GRIN3A: variants seen among roughly 807,000 people sequenced by gnomAD.
GRIN3A encodes the protein glutamate receptor ionotropic, NMDA 3A.
Under a neutral mutation model 92.4 loss-of-function variants are expected in GRIN3A, and 47 were observed. The ratio of observed to expected loss-of-function variants is 0.51; its 90% CI spans 0.40 to 0.65. GRIN3A has a LOEUF of 0.65. GRIN3A is among the 30% of genes least tolerant of loss of function. The probability of loss-of-function intolerance (pLI) is 0.00; values close to 1 mark genes in which losing one functional copy is unlikely to be tolerated. For missense variants in GRIN3A, 1,324 were observed against 1,393.1 expected (o/e 0.95, Z 0.79); for synonymous variants, 527 against 540.6 (o/e 0.97, Z 0.35).
At chr9:101,678,078 A>G (rs1829422027) in intron 2 of GRIN3A, among the ~76,000 whole-genome samples, 1 of 152,114 alleles carries the variant, frequency 6.6e-6, no homozygotes, top group Non-Finnish European at 1.5e-5. Flanking sequence ...GCATTTATCT[A>G]AGTACCTATC....
At chr9:101,636,775 A>C (rs1332610099) in intron 3 of GRIN3A, among the ~76,000 whole-genome samples, 1 of 152,220 alleles carries the variant, frequency 6.6e-6, no homozygotes, top group Non-Finnish European at 1.5e-5. Context: ...CTTTGGGTTT[A>C]TAAACAATAT....
chr9:101,714,040 T>C (rs1055896360), intron 1 of GRIN3A, among the ~76,000 whole-genome samples: 2 of 151,730 alleles, frequency 1.3e-5, no homozygotes, highest in Non-Finnish European at 2.9e-5. Context: ...AAAATAAAAA[T>C]TAAAAACAAA....
At chr9:101,673,481 A>G (rs1435332242) in intron 2 of GRIN3A, among the ~76,000 whole-genome samples, 1 of 152,144 alleles carries the variant, frequency 6.6e-6, no homozygotes. Context: ...GAGAATCACC[A>G]TTTATGACAG....
intron 1 of GRIN3A, among the ~76,000 whole-genome samples, chr9:101,698,153 G>C (rs1829705886): frequency 6.6e-6 from 1 of 152,100 alleles, no homozygotes; most frequent in Non-Finnish European, 1.5e-5. Flanking sequence ...TCCAAATCTA[G>C]TCAAATACAT....
intron 1 of GRIN3A, among the ~76,000 whole-genome samples, chr9:101,717,346 GTTGT>G (rs1298905644): frequency 6.6e-6 from 1 of 152,130 alleles, no homozygotes; most frequent in Non-Finnish European, 1.5e-5. Context: ...CGTGTGTGAA[GTTGT>G]TTGTTTGCTT....
chr9:101,696,076 A>C (rs371042716), intron 1 of GRIN3A, among the ~76,000 whole-genome samples: 46 of 152,196 alleles, frequency 3.0e-4, no homozygotes, highest in African/African-American at 1.1e-3. Flanking sequence ...ATCAGAGACT[A>C]TCTCATAGGC....
rs376592442 is a variant in GRIN3A at position 101,695,787 on chromosome 9, C to T, written c.700-8587G>A. Among the ~76,000 whole-genome samples, 4 of 152,280 alleles carry T rather than the reference C, an allele frequency of 2.6e-5. No individual in the cohort carries two copies. The East Asian group carries it at 7.7e-4, about 29-fold the overall frequency. On this transcript the variant is annotated intron_variant, in intron 1 of 8. Coordinates refer to ENST00000361820, the MANE Select transcript of GRIN3A (RefSeq NM_133445.3). ...CTGATGTCAACACCAGTCATTATGC[C>T]TGGAAGCCAGACCATAATGTGCTCA... is the stretch of plus-strand genomic sequence containing the variant.
intron 4 of GRIN3A, among the ~76,000 whole-genome samples, chr9:101,624,420 T>C (rs1025040705): frequency 7.6e-6 from 1 of 131,348 alleles, no homozygotes; most frequent in African/African-American, 2.9e-5. Flanking sequence ...TTCCCCTTCC[T>C]GTGTCCATGT....
intron 3 of GRIN3A, among the ~76,000 whole-genome samples, chr9:101,628,737 A>G (rs1358808477): frequency 2.0e-5 from 3 of 152,236 alleles, no homozygotes; most frequent in Non-Finnish European, 4.4e-5. Flanking sequence ...GACAAAGTGT[A>G]CATTCATAAT....
chr9:101,614,818 C>T (rs1433825430), intron 5 of GRIN3A, among the ~76,000 whole-genome samples: 5 of 151,038 alleles, frequency 3.3e-5, no homozygotes, highest in East Asian at 3.9e-4. Flanking sequence ...AGGGTCTCAC[C>T]GTGTTGCCCA....
chr9:101,599,649 T>A (rs1237874522), intron 6 of GRIN3A, among the ~76,000 whole-genome samples: 1 of 152,222 alleles, frequency 6.6e-6, no homozygotes. Context: ...TATTTCAGCA[T>A]GTCATTTTTT....
chr9:101,602,692 G>A (rs563136445), intron 6 of GRIN3A, among the ~76,000 whole-genome samples: 20 of 152,316 alleles, frequency 1.3e-4, no homozygotes, highest in African/African-American at 4.6e-4. Flanking sequence ...GCATATAAAA[G>A]CGGGGACTCT....
chr9:101,733,956 C>A (rs1830171709), intron 1 of GRIN3A, among the ~76,000 whole-genome samples: 1 of 152,092 alleles, frequency 6.6e-6, no homozygotes, highest in Non-Finnish European at 1.5e-5. Context: ...GCCTCAGCCT[C>A]CCAAGCAGCT....
chr9:101,628,479 T>A, intron 3 of GRIN3A, 78 bp from the exon 4 acceptor site: 1 of 1,428,750 alleles, frequency 7.0e-7, no homozygotes. Flanking sequence ...CATAATTCTT[T>A]GAAACTTAAT....
intron 1 of GRIN3A, among the ~76,000 whole-genome samples, chr9:101,705,245 A>G (rs1323451967): frequency 6.6e-6 from 1 of 152,096 alleles, no homozygotes; most frequent in Non-Finnish European, 1.5e-5. Flanking sequence ...TGTTGAGAAG[A>G]GCAGAGGAAC....
rs1242202927 is a variant in GRIN3A at position 101,670,611 on chromosome 9, C to T, written c.1801G>A (p.Gly601Arg). ...TTCCATGCTCCATACTTTCCATCCC[C>T]TACAATATAGAGGTCGAAGTCAAAG... is the stretch of plus-strand genomic sequence containing the variant. The part of the protein sequence containing the change: ...MNFDFDLYIV[G>R]DGKYGAWKNG... Residue 601 changes from glycine (G) to arginine (R), a missense_variant, in exon 3 of 9, where the codon GGG (glycine) becomes AGG (arginine). Physicochemically the swap from Gly to Arg is moderately radical, Grantham distance 125 (BLOSUM62 -2). Transcript: ENST00000361820. 2 of 1,614,040 alleles carry T rather than the reference C, an allele frequency of 1.2e-6. No homozygotes were observed. Among genetic ancestry groups the T allele is most frequent in the East Asian group, 4.5e-5 (2 of 44,866 alleles).
chr9:101,712,435 A>C (rs17199409), intron 1 of GRIN3A, among the ~76,000 whole-genome samples: 1 of 152,128 alleles, frequency 6.6e-6, no homozygotes, highest in Non-Finnish European at 1.5e-5. Context: ...GCTGCTTCAA[A>C]GTTACAGAAC....
At chr9:101,634,258 G>A (rs1404490369) in intron 3 of GRIN3A, among the ~76,000 whole-genome samples, 3 of 150,052 alleles carry the variant, frequency 2.0e-5, no homozygotes, top group African/African-American at 7.3e-5. Context: ...GCGTGAACCC[G>A]GGAGGCGGAG....
At chr9:101,611,216 T>G (rs1300726260) in intron 6 of GRIN3A, among the ~76,000 whole-genome samples, 1 of 152,202 alleles carries the variant, frequency 6.6e-6, no homozygotes, top group Non-Finnish European at 1.5e-5. Context: ...CTGGAGGCTC[T>G]GAGGGACAAC....
Sources: allele counts gnomAD v4.1 joint callset (sites outside exome capture counted in the v4.1 genomes callset), GRCh38; gene constraint gnomAD v4.1.1; transcripts MANE v1.5; gene names NCBI Gene and HGNC (gene_info 2026-07-23, HGNC 2026-07-21).